Variants in KIDINS220 observed in about 807,000 individuals in gnomAD.
The protein encoded by KIDINS220 is kinase D-interacting substrate of 220 kDa.
In KIDINS220, 63 loss-of-function variants were observed where a neutral mutation model predicts 157.6. The ratio of observed to expected loss-of-function variants is 0.40; its 90% confidence interval spans 0.33 to 0.49. The LOEUF (loss-of-function observed/expected upper bound fraction) is 0.49, where lower values mean the gene tolerates loss of function less well. Ranked by LOEUF, KIDINS220 falls within the 20% of genes least tolerant of loss-of-function variation. The pLI, the probability that KIDINS220 is intolerant of heterozygous loss-of-function variation, is 0.66. For synonymous variants in KIDINS220, 732 were observed against 783.6 expected (o/e 0.93, Z 1.10); for missense variants, 1,772 against 2,171.2 (o/e 0.82, Z 3.65).
At chr2:8,815,623 T>G (rs1490950754) in intron 4 of KIDINS220, among the ~76,000 whole-genome samples, 1 of 152,010 alleles carries the variant, frequency 6.6e-6, no homozygotes, top group Non-Finnish European at 1.5e-5. Flanking sequence ...GAGCCAAGAT[T>G]GTGCCACTGT....
chr2:8,790,953 A>G (rs1673101611), intron 13 of KIDINS220, 107 bp downstream of exon 13: 2 of 996,622 alleles, frequency 2.0e-6, no homozygotes, highest in South Asian at 1.9e-5. Context: ...AGTAAACCAC[A>G]TAACACACAT....
intron 1 of KIDINS220, among the ~76,000 whole-genome samples, chr2:8,835,974 A>C (rs1282955017): frequency 6.6e-6 from 1 of 152,190 alleles, no homozygotes; most frequent in African/African-American, 2.4e-5. Flanking sequence ...GATACCAGTC[A>C]AGGAATCACC....
At chr2:8,743,624 C>G (rs1025755695) in intron 26 of KIDINS220, among the ~76,000 whole-genome samples, 1 of 152,212 alleles carries the variant, frequency 6.6e-6, no homozygotes, top group African/African-American at 2.4e-5. Context: ...GGCAGAGCCA[C>G]CAGCATGGTG....
rs79382183 is a variant in KIDINS220, at chr2:8,786,475, G to A, written c.1788-118C>T. The A allele has an allele frequency of 1.2e-5, 10 of 854,750 alleles. No individual in the cohort carries two copies. The African/African-American group carries it at 1.7e-4, about 15-fold the overall frequency. 52.9% of individuals were successfully genotyped at this position (854,750 alleles called of 1,614,324 possible). A position where few individuals can be genotyped will look rare whatever the true frequency, so the allele number is the denominator to read the frequency against. On this transcript the variant is annotated intron_variant, in intron 15 of 29. Coordinates refer to ENST00000256707, the MANE Select transcript of KIDINS220 (RefSeq NM_020738.4). The stretch of plus-strand genomic sequence containing the variant: ...TTCTTTTTGTCTCTTTCAAAATATT[G>A]TTTTTTAAATTCCAAGGAGGGAAAA...
intron 26 of KIDINS220, among the ~76,000 whole-genome samples, chr2:8,744,382 A>T (rs1238737723): frequency 3.5e-3 from 101 of 28,586 alleles, no homozygotes; most frequent in East Asian, 6.8e-3. Context: ...AAAAAAAAAA[A>T]AAAAAAATAT....
intron 11 of KIDINS220, among the ~76,000 whole-genome samples, chr2:8,795,772 G>C (rs943577416): frequency 6.6e-6 from 1 of 152,170 alleles, no homozygotes; most frequent in Non-Finnish European, 1.5e-5. Flanking sequence ...AGGCTATATG[G>C]AACCTTGAAG....
At chr2:8,827,202 CTTAACA>C (rs1411780549) in intron 1 of KIDINS220, 73 bp from the exon 2 acceptor site, 2 of 603,106 alleles carry the variant, frequency 3.3e-6, no homozygotes, top group Non-Finnish European at 2.8e-6. Context: ...CAATATCCTT[CTTAACA>C]TTAACCTCAT....
chr2:8,735,800 G>A lies in KIDINS220; in HGVS notation c.3718-1047C>T, dbSNP rs575756838. On this transcript the variant is annotated intron_variant, in intron 27 of 29. Transcript: ENST00000256707. ...AGAGGTCCTGCTGCAACAATGCCGC[G>A]GAGCCCTAAGCACGGAGGAGGCCAG... Among the ~76,000 whole-genome samples the A allele has an allele frequency of 7.9e-4, 121 of 152,286 alleles. 1 individual carries two copies. The highest frequency in any genetic ancestry group is 2.6e-3 in the African/African-American group (108 of 41,550).
At chr2:8,792,466 T>C (rs1673324842) in intron 12 of KIDINS220, among the ~76,000 whole-genome samples, 1 of 152,150 alleles carries the variant, frequency 6.6e-6, no homozygotes, top group South Asian at 2.1e-4. Flanking sequence ...AGAATACAAA[T>C]AGCCTATGAA....
chr2:8,781,153 A>ATATATATAAT (rs70946383), intron 17 of KIDINS220, among the ~76,000 whole-genome samples: 11 of 130,408 alleles, frequency 8.4e-5, no homozygotes, highest in African/African-American at 3.1e-4. Context: ...ATATATATAT[A>ATATATATAAT]ATATATATAT....
chr2:8,803,198 GA>G, intron 7 of KIDINS220, 71 bp from the exon 8 acceptor site: 1 of 1,235,044 alleles, frequency 8.1e-7, no homozygotes, highest in Non-Finnish European at 1.1e-6. Context: ...GAAAATATAT[GA>G]TTTATGCCAT....
intron 17 of KIDINS220, among the ~76,000 whole-genome samples, chr2:8,785,093 G>T (rs1013201400): frequency 3.3e-5 from 5 of 152,168 alleles, no homozygotes; most frequent in African/African-American, 1.2e-4. Flanking sequence ...GAGCTAGCAG[G>T]TCATGAAAAG....
intron 21 of KIDINS220, among the ~76,000 whole-genome samples, chr2:8,774,071 C>T (rs1446177961): frequency 2.0e-5 from 3 of 151,542 alleles, no homozygotes; most frequent in African/African-American, 4.8e-5. Context: ...TTTGGGAGGC[C>T]GAGGCGGGCG....
chr2:8,794,653 C>T (rs935966876), intron 11 of KIDINS220, among the ~76,000 whole-genome samples: 4 of 152,160 alleles, frequency 2.6e-5, no homozygotes, highest in Non-Finnish European at 4.4e-5. Flanking sequence ...TTAGCATCTC[C>T]AATCACATTA....
chr2:8,794,465 T>C (rs1673634290), intron 11 of KIDINS220: 1 of 154,464 alleles, frequency 6.5e-6, no homozygotes, highest in Non-Finnish European at 1.4e-5. Flanking sequence ...GTCAGCTCCA[T>C]GACCTTTGTC....
chr2:8,813,324 T>G lies in KIDINS220; in HGVS notation c.318A>C (p.Thr106=). 1 of 1,611,502 alleles carries G rather than the reference T, an allele frequency of 6.2e-7. No individual in the cohort carries two copies. Among genetic ancestry groups the G allele is most frequent in the Non-Finnish European group, 8.5e-7 (1 of 1,178,988 alleles). Residue 106 remains threonine (T), a synonymous_variant, in exon 5 of 30, where the codon ACA becomes ACC. Transcript: ENST00000256707. ...NLEHRDMGGW[T]ALMWACYKGR... is the part of the protein sequence containing the mutation. The stretch of plus-strand genomic sequence containing the variant: ...CTTTGTAACATGCCCACATAAGAGC[T>G]GTCCATCCTCCCTAAACAAAAAATG...
At chr2:8,754,386 T>C (rs1373346151) in intron 22 of KIDINS220, among the ~76,000 whole-genome samples, 1 of 152,270 alleles carries the variant, frequency 6.6e-6, no homozygotes. Context: ...CAAAATCATA[T>C]GTGCCTTTAT....
rs894056826 is a variant in KIDINS220, at chr2:8,788,519, T to C, written c.1787+128A>G. On this transcript the variant is annotated intron_variant, in intron 15 of 29. Transcript: ENST00000256707. ...CCTGACCTCAGGTGATCTGCCCACC[T>C]TGGCCTCCCAAAGTGCTGGGATTAC... The C allele has an allele frequency of 5.0e-6, 4 of 806,204 alleles. No individual in the cohort carries two copies. The African/African-American group carries it at 7.0e-5, about 14-fold the overall frequency. The allele number at this position is 806,204 out of a possible 1,614,324, so 49.9% of individuals were successfully genotyped here.
chr2:8,756,147 C>T (rs1667983632), intron 22 of KIDINS220, among the ~76,000 whole-genome samples: 1 of 152,136 alleles, frequency 6.6e-6, no homozygotes, highest in Admixed American at 6.5e-5. Flanking sequence ...TCTTTAAATT[C>T]TTTTAGCAAT....
Sources: gnomAD v4.1 joint callset for allele counts (sites outside exome capture counted in the v4.1 genomes callset) on GRCh38, gnomAD v4.1.1 for gene constraint, MANE v1.5 for transcripts, NCBI Gene and HGNC (gene_info 2026-07-23, HGNC 2026-07-21) for gene names.